Variants in TLCD4 observed in about 807,000 individuals in gnomAD.
The protein encoded by TLCD4 is TLC domain containing 4.
Under a neutral mutation model 24.2 loss-of-function variants are expected in TLCD4, and 7 were observed. The observed-to-expected ratio is 0.29, with a 90% CI of 0.16 to 0.54. The LOEUF is 0.54. Among genes scored for constraint, TLCD4 ranks in the 20% least tolerant of loss-of-function variants. TLCD4 has a pLI of 0.95. For synonymous variants in TLCD4, 103 were observed against 106.4 expected, an observed-to-expected ratio of 0.97 and a Z score of 0.20; for missense variants, 259 against 313.9, an observed-to-expected ratio of 0.82 and a Z score of 1.32.
chr1:95,135,356 G>C (rs1258024041), intron 1 of TLCD4, among the ~76,000 whole-genome samples: 1 of 149,908 alleles, frequency 6.7e-6, no homozygotes, highest in South Asian at 2.1e-4. Context: ...GTCATTTTGA[G>C]TAATGCAGAA....
Position 95,194,079 on chromosome 1 carries a change from A to G in TLCD4, c.*2211A>G, listed in dbSNP as rs1418514499. ...AGTCTCCATGTAGCAGTTTGTTTTT[A>G]TAGTTACTGTTTCATGCTTAAAACT... On this transcript the variant is annotated 3_prime_UTR_variant, in exon 7 of 7. Transcript: ENST00000370203. 7 of 152,094 alleles carry G rather than the reference A, an allele frequency of 4.6e-5. No individual in the cohort carries two copies. Among genetic ancestry groups the G allele is most frequent in the Admixed American group, 2.6e-4 (4 of 15,260 alleles). The allele number at this position is 152,094 out of a possible 1,614,324, so 9.4% of individuals were successfully genotyped here.
In TLCD4 at chr1:95,197,020, G is replaced by A. The variant is rs1003474374; in HGVS notation, c.*5152G>A. 16 of 152,122 alleles carry A rather than the reference G, an allele frequency of 1.1e-4. No homozygotes were observed. The highest frequency in any genetic ancestry group is 3.9e-4 in the African/African-American group (16 of 41,536). 9.4% of individuals were successfully genotyped at this position (152,122 alleles called of 1,614,324 possible). Reference sequence around the variant, plus strand: ...TTTATTTGAAAAAGCTACTTGGAAAGCAGTAAATAGAACTATAGTGATATA... The same window carrying A: ...TTTATTTGAAAAAGCTACTTGGAAAACAGTAAATAGAACTATAGTGATATA... On this transcript the variant is annotated 3_prime_UTR_variant, in exon 7 of 7. Transcript: ENST00000370203.
intron 5 of TLCD4, among the ~76,000 whole-genome samples, chr1:95,159,472 T>C (rs1677722089): frequency 6.6e-6 from 1 of 151,902 alleles, no homozygotes; most frequent in African/African-American, 2.4e-5. Flanking sequence ...TGTTCACTGA[T>C]GGAGTTTCTT....
chr1:95,099,074 A>AAAAAAAAAAAAAAAAC, the TLCD4 span, among the ~76,000 whole-genome samples: 1 of 150,354 alleles, frequency 6.7e-6, no homozygotes, highest in African/African-American at 2.4e-5. Flanking sequence ...AAAAAAAAAA[A>AAAAAAAAAAAAAAAAC]AGAACAGGGT....
intron 5 of TLCD4, among the ~76,000 whole-genome samples, chr1:95,173,324 T>A (rs1041797643): frequency 1.3e-5 from 2 of 152,108 alleles, no homozygotes; most frequent in Admixed American, 6.5e-5. Flanking sequence ...CTTTTTTTTT[T>A]TTTGAGACGG....
intron 2 of TLCD4, among the ~76,000 whole-genome samples, chr1:95,146,799 G>A (rs1381869514): frequency 1.3e-5 from 2 of 152,198 alleles, no homozygotes; most frequent in African/African-American, 2.4e-5. Flanking sequence ...TAACTTTTCT[G>A]TACTGAATCA....
the TLCD4 span, among the ~76,000 whole-genome samples, chr1:95,101,224 T>C: frequency 6.6e-6 from 1 of 152,092 alleles, no homozygotes; most frequent in Non-Finnish European, 1.5e-5. Flanking sequence ...CTAACTTTAC[T>C]GTACACCTTA....
the TLCD4 span, among the ~76,000 whole-genome samples, chr1:95,101,151 C>T: frequency 1.3e-5 from 2 of 152,150 alleles, no homozygotes; most frequent in East Asian, 3.9e-4. Flanking sequence ...TCGTGATCCA[C>T]CCGCCTCAGC....
chr1:95,183,173 AT>A (rs1678707598), intron 6 of TLCD4, among the ~76,000 whole-genome samples: 1 of 152,208 alleles, frequency 6.6e-6, no homozygotes, highest in African/African-American at 2.4e-5. Context: ...GGACAGTGTA[AT>A]TTTATTAGTT....
rs138875738 is a variant in TLCD4 at position 95,163,259 on chromosome 1, T to G, written c.400-10557T>G. ...TTCATTTCATTCATTTGATCTACAA[T>G]CACTGATACCCTTTCTTCCACTTGA... On this transcript the variant is annotated intron_variant, in intron 5 of 6. Coordinates refer to ENST00000370203, the MANE Select transcript of TLCD4 (RefSeq NM_152487.3). The G allele has an allele frequency of 2.6e-3, 393 of 152,318 alleles. 2 individuals carry two copies. The highest frequency in any genetic ancestry group is 9.1e-3 in the African/African-American group (379 of 41,574). The allele number at this position is 152,318 out of a possible 1,614,324, so 9.4% of individuals were successfully genotyped here.
chr1:95,155,367 T>C (rs1274044124), intron 5 of TLCD4, among the ~76,000 whole-genome samples: 1 of 152,142 alleles, frequency 6.6e-6, no homozygotes, highest in Non-Finnish European at 1.5e-5. Context: ...TAAAGGTAGA[T>C]GACAGAGTAG....
At chr1:95,104,663 C>CAAAAAAAAAAAAAAAAAAAAAAA in the TLCD4 span, among the ~76,000 whole-genome samples, 787 of 40,466 alleles carry the variant, frequency 0.019, 146 homozygotes, top group Non-Finnish European at 0.033. Context: ...GACTCCGTCT[C>CAAAAAAAAAAAAAAAAAAAAAAA]AAAAAAAAAA....
chr1:95,191,618 C>G lies in TLCD4; in HGVS notation c.542C>G (p.Thr181Arg). The G allele has an allele frequency of 6.2e-7, 1 of 1,614,180 alleles. No individual in the cohort carries two copies. Among genetic ancestry groups the G allele is most frequent in the Non-Finnish European group, 8.5e-7 (1 of 1,180,026 alleles). ...KAIVINGILM[T>R]VVFFIVRIAS... The stretch of plus-strand genomic sequence containing the variant: ...ATCGTTATCAATGGAATACTCATGA[C>G]AGTAGTATTCTTCATCGTGCGGATT... The change falls in exon 7 of 7, where the codon ACA (threonine) becomes AGA (arginine). Residue 181 changes from threonine (T) to arginine (R), a missense_variant. Thr to Arg is a moderately conservative substitution (Grantham distance 71, BLOSUM62 -1). Coordinates refer to ENST00000370203, the MANE Select transcript of TLCD4 (RefSeq NM_152487.3).
chr1:95,169,127 T>TTTAACGG (rs1183881513), intron 5 of TLCD4, among the ~76,000 whole-genome samples: 1 of 152,214 alleles, frequency 6.6e-6, no homozygotes, highest in African/African-American at 2.4e-5. Context: ...CTTCTCTCAC[T>TTTAACGG]TTAACGTACC....
chr1:95,155,097 A>C (rs1677596520), intron 5 of TLCD4, among the ~76,000 whole-genome samples: 1 of 151,568 alleles, frequency 6.6e-6, no homozygotes, highest in Non-Finnish European at 1.5e-5. Flanking sequence ...TAGAACAGTC[A>C]GTATTTAGTA....
chr1:95,114,449 A>G (rs1676392719), upstream of TLCD4, among the ~76,000 whole-genome samples: 1 of 152,222 alleles, frequency 6.6e-6, no homozygotes, highest in African/African-American at 2.4e-5. Flanking sequence ...TAGAAAAAAA[A>G]CAGCTTTTGG....
rs180683180 is a variant in TLCD4, at chr1:95,158,876, A to T, written c.399+7457A>T. Among the ~76,000 whole-genome samples the T allele has an allele frequency of 1.1e-4, 16 of 152,200 alleles. 1 individual carries two copies. Among genetic ancestry groups the T allele is most frequent in the Admixed American group, 7.9e-4 (12 of 15,276 alleles). On this transcript the variant is annotated intron_variant, in intron 5 of 6. Transcript: ENST00000370203. The stretch of plus-strand genomic sequence containing the variant: ...TGGTGCATAGTATTCCATGGTGTAT[A>T]TGTGCCACATTTTCTTAATCCAGTC...
In TLCD4 at chr1:95,196,127, C is replaced by T. The variant is rs1456678478; in HGVS notation, c.*4259C>T. On this transcript the variant is annotated 3_prime_UTR_variant, in exon 7 of 7. Transcript: ENST00000370203. Reference sequence around the variant, plus strand: ...AATAATAACTGTTTACAACATGAGGCAAAGCTAATAATGTTATGGTTTTAT... The same window carrying T: ...AATAATAACTGTTTACAACATGAGGTAAAGCTAATAATGTTATGGTTTTAT... 6.6e-6 allele frequency: 1 copy of T among 152,186 alleles called. No homozygotes were observed. The highest frequency in any genetic ancestry group is 1.5e-5 in the Non-Finnish European group (1 of 68,020). 9.4% of individuals were successfully genotyped at this position (152,186 alleles called of 1,614,324 possible).
intron 2 of TLCD4, among the ~76,000 whole-genome samples, chr1:95,145,846 T>C (rs556839645): frequency 1.3e-5 from 2 of 152,304 alleles, no homozygotes; most frequent in Admixed American, 1.3e-4. Flanking sequence ...ACACAGGAAA[T>C]ACCATTTGGG....
Sources: allele counts gnomAD v4.1 joint callset (sites outside exome capture counted in the v4.1 genomes callset), GRCh38; gene constraint gnomAD v4.1.1; transcripts MANE v1.5; gene names NCBI Gene and HGNC (gene_info 2026-07-23, HGNC 2026-07-21).